NIPA2: variants seen among roughly 807,000 people sequenced by gnomAD.
NIPA2 encodes NIPA magnesium transporter 2, also known as magnesium transporter NIPA2.
A neutral mutation model predicts 29.7 loss-of-function variants in NIPA2; 11 were observed. The ratio of observed to expected loss-of-function variants is 0.37; its 90% CI spans 0.23 to 0.61. The LOEUF is 0.61. NIPA2 is among the 20% of genes least tolerant of loss of function. The pLI, the probability that NIPA2 is intolerant of heterozygous loss-of-function variation, is 0.66. For missense variants in NIPA2, 426 were observed against 437.9 expected (o/e 0.97, Z 0.24); for synonymous variants, 183 against 161.9 (o/e 1.13, Z -0.99).
intron 5 of NIPA2, among the ~76,000 whole-genome samples, chr15:22,857,102 A>C (rs1202534526): frequency 6.6e-6 from 1 of 152,152 alleles, no homozygotes. Flanking sequence ...ACCTCTTGGC[A>C]CATGTGCTTG....
rs1364798954 is a variant in NIPA2, at chr15:22,851,930, C to T, written c.139+60C>T. The T allele has an allele frequency of 8.4e-6, 12 of 1,426,108 alleles. 1 individual carries two copies. The Admixed American group carries it at 2.0e-4, about 24-fold the overall frequency. 88.3% of individuals were successfully genotyped at this position (1,426,108 alleles called of 1,614,324 possible). On this transcript the variant is annotated intron_variant, in intron 4 of 7. Transcript: ENST00000337451. ...CAGTGTCTACCTACATGCACAGGTT[C>T]TTTGTACAAGACCACATCTTCATTC... is the stretch of plus-strand genomic sequence containing the variant.
chr15:22,861,673 A>C (rs1261123424), intron 7 of NIPA2, among the ~76,000 whole-genome samples: 3 of 152,082 alleles, frequency 2.0e-5, no homozygotes, highest in African/African-American at 7.2e-5. Context: ...CTTTCCCCAC[A>C]GTGTCTGAAA....
chr15:22,862,040 TG>T (rs1392174062), intron 7 of NIPA2, among the ~76,000 whole-genome samples: 1 of 105,784 alleles, frequency 9.5e-6, no homozygotes, highest in Admixed American at 1.1e-4. Context: ...CCTCGCCTGA[TG>T]GGTCTCTCTT....
Position 22,866,695 on chromosome 15 carries a change from G to A in NIPA2, c.931G>A (p.Val311Met), listed in dbSNP as rs1044977495. 4.3e-6 allele frequency: 7 copies of A among 1,614,072 alleles called. No individual in the cohort carries two copies. Among genetic ancestry groups the A allele is most frequent in the Non-Finnish European group, 5.1e-6 (6 of 1,180,000 alleles). The change falls in exon 8 of 8, where the codon GTG becomes ATG. Residue 311 changes from valine (V) to methionine (M), a missense_variant. Coordinates refer to ENST00000337451, the MANE Select transcript of NIPA2 (RefSeq NM_030922.7). ...CAGCTTTAGTCTAGCAAGTCTGCCT[G>A]TGTCTTTTCGAAAAGACGAGAAAGC... ...DVSFSLASLP[V>M]SFRKDEKAMN... is the part of the protein sequence containing the mutation.
chr15:22,859,218 C>T (rs995615668), intron 6 of NIPA2, among the ~76,000 whole-genome samples: 2 of 151,694 alleles, frequency 1.3e-5, no homozygotes, highest in Non-Finnish European at 2.9e-5. Flanking sequence ...AAGTTACACT[C>T]ATCCCAGTAT....
chr15:22,853,190 T>G (rs1266801814), intron 4 of NIPA2, 22 bp from the exon 5 acceptor site: 1 of 1,560,542 alleles, frequency 6.4e-7, no homozygotes, highest in Non-Finnish European at 8.8e-7. Context: ...TCCAAAGATG[T>G]GAAATATTTC....
Position 22,866,455 on chromosome 15 carries a change from A to G in NIPA2, c.691A>G (p.Thr231Ala). 1 of 1,614,156 alleles carries G rather than the reference A, an allele frequency of 6.2e-7. No homozygotes were observed. Among genetic ancestry groups the G allele is most frequent in the Non-Finnish European group, 8.5e-7 (1 of 1,180,014 alleles). The change falls in exon 8 of 8, where the codon ACA becomes GCA. Residue 231 changes from threonine to alanine, a missense_variant. Around this residue, in one of 3 missense-constraint regions of NIPA2, gnomAD observed 357 missense variants for 339.8 expected, o/e 1.05. Transcript: ENST00000337451. ...GCTGAGCCTCATCGTCTGTGTGAGC[A>G]CACAGATTAATTACCTAAATAGGGC... ...LLLSLIVCVS[T>A]QINYLNRALD...
intron 3 of NIPA2, among the ~76,000 whole-genome samples, chr15:22,850,812 A>C (rs1211872894): frequency 6.6e-6 from 1 of 152,184 alleles, no homozygotes; most frequent in Non-Finnish European, 1.5e-5. Flanking sequence ...TTAGTTTTGG[A>C]ACTCCGAAGT....
intron 5 of NIPA2, among the ~76,000 whole-genome samples, chr15:22,857,455 A>C (rs986044642): frequency 2.0e-5 from 3 of 150,970 alleles, no homozygotes; most frequent in South Asian, 2.1e-4. Flanking sequence ...AAAAAAAAAA[A>C]GTTTTATCAG....
At chr15:22,860,208 T>TG in intron 6 of NIPA2, among the ~76,000 whole-genome samples, 1 of 152,116 alleles carries the variant, frequency 6.6e-6, no homozygotes, top group African/African-American at 2.4e-5. Context: ...TTAGTAGAGA[T>TG]GGGGTTTCAC....
At chr15:22,853,004 TCA>T (rs2057889067) in intron 4 of NIPA2, among the ~76,000 whole-genome samples, 1 of 152,194 alleles carries the variant, frequency 6.6e-6, no homozygotes, top group South Asian at 2.1e-4. Flanking sequence ...AGAGGTGCTC[TCA>T]CTGTTCATGA....
Position 22,860,651 on chromosome 15 carries a change from C to G in NIPA2, c.310C>G (p.Leu104Val). The change falls in exon 7 of 8, where the codon CTC (leucine) becomes GTC (valine). Residue 104 changes from leucine to valine, a missense_variant. Transcript: ENST00000337451. ...LVSAILSSYF[L>V]NERLNLHGKI... ...TAGTGCCATTCTTTCTTCATACTTT[C>G]TCAATGAAAGACTTAATCTTCATGG... 1.3e-6 allele frequency: 2 copies of G among 1,574,274 alleles called. No homozygotes were observed. The highest frequency in any genetic ancestry group is 4.6e-5 in the East Asian group (2 of 43,074).
Position 22,860,794 on chromosome 15 carries a change from GA to G in NIPA2, c.448+11del. 4 of 1,576,684 alleles carry G rather than the reference GA, an allele frequency of 2.5e-6. No homozygotes were observed. The highest frequency in any genetic ancestry group is 2.4e-5 in the South Asian group (2 of 83,812). ...CTCACAAGCTAGGTGATCCAGGTAA[GA>G]AAAAAGTCTTATTAGTCTTACTGTA... On this transcript the variant is annotated splice_donor_region_variant and intron_variant, in intron 7 of 7. Coordinates refer to ENST00000337451, the MANE Select transcript of NIPA2 (RefSeq NM_030922.7).
chr15:22,853,219 T>A lies in NIPA2; in HGVS notation c.147T>A (p.Gly49=). 1 of 1,607,542 alleles carries A rather than the reference T, an allele frequency of 6.2e-7. No individual in the cohort carries two copies. Among genetic ancestry groups the A allele is most frequent in the Non-Finnish European group, 8.5e-7 (1 of 1,174,160 alleles). ...ATATTTCTTCATTCACAGGTCAAGGTGGCCATGCATATCTTAAGGAATGGT... is the reference window on the plus strand; with the variant it reads ...ATATTTCTTCATTCACAGGTCAAGGAGGCCATGCATATCTTAAGGAATGGT... ...ARKGSMRAGQ[G]GHAYLKEWLW... Residue 49 remains glycine, a synonymous_variant, in exon 5 of 8, where the codon GGT becomes GGA. Coordinates refer to ENST00000337451, the MANE Select transcript of NIPA2 (RefSeq NM_030922.7).
chr15:22,867,357 G>GTT lies in NIPA2; in HGVS notation c.*511_*512dup, dbSNP rs888561146. ...GAAATATTTATTAAGGGAAAACTAA[G>GTT]TTACTGAATGAAGGAACCTCTTTCT... On this transcript the variant is annotated 3_prime_UTR_variant, in exon 8 of 8. Transcript: ENST00000337451. 1.9e-4 allele frequency: 74 copies of GTT among 394,006 alleles called. No homozygotes were observed. The highest frequency in any genetic ancestry group is 1.3e-3 in the African/African-American group (65 of 48,500). 24.4% of individuals were successfully genotyped at this position (394,006 alleles called of 1,614,324 possible). A position where few individuals can be genotyped will look rare whatever the true frequency, so the allele number is the denominator to read the frequency against.
At chr15:22,855,471 A>G (rs1017376449) in intron 5 of NIPA2, among the ~76,000 whole-genome samples, 1 of 152,104 alleles carries the variant, frequency 6.6e-6, no homozygotes, top group Non-Finnish European at 1.5e-5. Flanking sequence ...TCAGTCAACA[A>G]ATACTTATTG....
chr15:22,863,085 G>T (rs1318332869), intron 7 of NIPA2, among the ~76,000 whole-genome samples: 11 of 125,310 alleles, frequency 8.8e-5, no homozygotes, highest in African/African-American at 2.5e-4. Flanking sequence ...TATTTTCTTT[G>T]TTTTTTTTTT....
intron 3 of NIPA2, among the ~76,000 whole-genome samples, chr15:22,850,365 C>A (rs1438837694): frequency 1.3e-5 from 2 of 151,972 alleles, no homozygotes; most frequent in African/African-American, 4.8e-5. Flanking sequence ...GTTCCTTACA[C>A]CTCCCTCCCA....
At position 22,866,631 on chromosome 15, in the gene NIPA2, C is replaced by G. The variant is rs1431473388; in HGVS notation, c.867C>G (p.Ile289Met). Reference sequence around the variant, plus strand: ...GTACTTTGAGTGGCTTCTTTACAATCATTGTGGGGATATTCTTGTTGCATG... The same window carrying G: ...GTACTTTGAGTGGCTTCTTTACAATGATTGTGGGGATATTCTTGTTGCATG... Reference protein sequence around the residue: ...VIGTLSGFFTIIVGIFLLHAF... With the variant: ...VIGTLSGFFTMIVGIFLLHAF... The change falls in exon 8 of 8, where the codon ATC becomes ATG. Residue 289 changes from isoleucine to methionine, a missense_variant. Ile to Met is a conservative substitution (Grantham distance 10). Coordinates refer to ENST00000337451, the MANE Select transcript of NIPA2 (RefSeq NM_030922.7). 1 of 1,614,056 alleles carries G rather than the reference C, an allele frequency of 6.2e-7. No homozygotes were observed. The highest frequency in any genetic ancestry group is 1.1e-5 in the South Asian group (1 of 91,082).
Sources: gnomAD v4.1 joint callset for allele counts (sites outside exome capture counted in the v4.1 genomes callset) on GRCh38, gnomAD v4.1.1 for gene constraint, gnomAD v4.1.1 regional missense constraint, MANE v1.5 for transcripts, NCBI Gene and HGNC (gene_info 2026-07-23, HGNC 2026-07-21) for gene names.